Variants in PLD5 observed in about 807,000 individuals in gnomAD.
PLD5 encodes inactive phospholipase D5.
In PLD5, 36 loss-of-function variants were observed where a neutral mutation model predicts 61.1. The ratio of observed to expected loss-of-function variants is 0.59; its 90% confidence interval spans 0.45 to 0.78. The LOEUF is 0.78. Ranked by LOEUF, PLD5 falls within the 30% of genes least tolerant of loss-of-function variation. PLD5 has a pLI of 0.00. For synonymous variants in PLD5, 243 were observed against 242.8 expected (o/e 1.00, Z -0.01); for missense variants, 515 against 644.4 (o/e 0.80, Z 2.17).
chr1:242,290,131 T>C (rs1194068995), intron 2 of PLD5, among the ~76,000 whole-genome samples: 2 of 150,078 alleles, frequency 1.3e-5, no homozygotes, highest in African/African-American at 2.5e-5. Flanking sequence ...TGGAAAAGCC[T>C]ATCTCATATG....
rs1254578495 is a variant in PLD5 at position 242,083,690 on chromosome 1, G to A, written c.*6164C>T. On this transcript the variant is annotated 3_prime_UTR_variant, in exon 10 of 10. Coordinates refer to ENST00000536534, the MANE Select transcript of PLD5 (RefSeq NM_001372062.1). ...ATAACTCACCCCTTTTAAAGAAGCA[G>A]CTAATCTTCACTTTTAACTATTAAG... 2.6e-5 allele frequency: 4 copies of A among 152,178 alleles called. No homozygotes were observed. Among genetic ancestry groups the A allele is most frequent in the African/African-American group, 7.2e-5 (3 of 41,432 alleles). 9.4% of individuals were successfully genotyped at this position (152,178 alleles called of 1,614,324 possible).
intron 8 of PLD5, among the ~76,000 whole-genome samples, chr1:242,103,519 T>G (rs192332621): frequency 6.1e-4 from 93 of 152,340 alleles, no homozygotes; most frequent in Non-Finnish European, 1.2e-3. Context: ...CGTATGCCAC[T>G]GTAATTATCT....
intron 1 of PLD5, among the ~76,000 whole-genome samples, chr1:242,410,402 T>C (rs1443585130): frequency 1.0e-5 from 1 of 97,430 alleles, no homozygotes; most frequent in Non-Finnish European, 2.0e-5. Context: ...TTTCCTGTAA[T>C]ATAATGCCAT....
At chr1:242,248,643 G>T (rs1481877100) in intron 4 of PLD5, among the ~76,000 whole-genome samples, 1 of 151,834 alleles carries the variant, frequency 6.6e-6, no homozygotes, top group Non-Finnish European at 1.5e-5. Flanking sequence ...GGTTAGTTAA[G>T]TCTTCTGGGC....
At chr1:242,099,132 T>C (rs914150288) in intron 9 of PLD5, among the ~76,000 whole-genome samples, 2 of 151,882 alleles carry the variant, frequency 1.3e-5, no homozygotes, top group Non-Finnish European at 2.9e-5. Flanking sequence ...TTTATTTTTA[T>C]TTTTTTTGAG....
intron 1 of PLD5, among the ~76,000 whole-genome samples, chr1:242,440,687 G>A (rs989622826): frequency 2.6e-5 from 4 of 152,220 alleles, no homozygotes; most frequent in Non-Finnish European, 4.4e-5. Flanking sequence ...CTGCTACCTT[G>A]AGAGACTCAT....
At chr1:242,206,956 G>A (rs992208978) in intron 5 of PLD5, among the ~76,000 whole-genome samples, 1 of 152,168 alleles carries the variant, frequency 6.6e-6, no homozygotes, top group African/African-American at 2.4e-5. Flanking sequence ...AAAATCTGCA[G>A]GGCAGAGCAG....
At chr1:242,375,284 TG>T (rs1661882594) in intron 1 of PLD5, among the ~76,000 whole-genome samples, 2 of 152,202 alleles carry the variant, frequency 1.3e-5, no homozygotes, top group Non-Finnish European at 2.9e-5. Context: ...CCGTGCCGTC[TG>T]CCTCATTTTA....
intron 5 of PLD5, among the ~76,000 whole-genome samples, chr1:242,148,054 A>G (rs1664658494): frequency 6.6e-6 from 1 of 152,104 alleles, no homozygotes; most frequent in African/African-American, 2.4e-5. Context: ...TTTCCCTTAT[A>G]GATCATGTTT....
chr1:242,477,157 G>A (rs1042587581), intron 1 of PLD5, among the ~76,000 whole-genome samples: 26 of 152,252 alleles, frequency 1.7e-4, no homozygotes, highest in African/African-American at 5.8e-4. Flanking sequence ...GGCTGAGGCA[G>A]GAGAATTGCT....
chr1:242,329,511 G>A (rs1344348857), intron 2 of PLD5, among the ~76,000 whole-genome samples: 2 of 152,054 alleles, frequency 1.3e-5, no homozygotes, highest in Non-Finnish European at 2.9e-5. Flanking sequence ...TCTCCACTCA[G>A]GTGATCCACG....
At chr1:242,164,517 T>G (rs1326452172) in intron 5 of PLD5, among the ~76,000 whole-genome samples, 2 of 152,044 alleles carry the variant, frequency 1.3e-5, no homozygotes, top group African/African-American at 2.4e-5. Context: ...GGAATTCAGG[T>G]CAAGAGCAAG....
At chr1:242,175,367 G>C (rs1009932533) in intron 5 of PLD5, among the ~76,000 whole-genome samples, 1 of 152,126 alleles carries the variant, frequency 6.6e-6, no homozygotes, top group Non-Finnish European at 1.5e-5. Context: ...TATCTCAATA[G>C]ATGCAGAAAA....
intron 5 of PLD5, among the ~76,000 whole-genome samples, chr1:242,202,033 G>A (rs1669017887): frequency 6.6e-6 from 1 of 152,046 alleles, no homozygotes; most frequent in African/African-American, 2.4e-5. Context: ...TGGCCAACAT[G>A]GTGAAACCCC....
At chr1:242,155,947 G>A (rs559152950) in intron 5 of PLD5, among the ~76,000 whole-genome samples, 1 of 152,188 alleles carries the variant, frequency 6.6e-6, no homozygotes, top group East Asian at 1.9e-4. Context: ...TTTGACAGTT[G>A]GATGTTAAAG....
Position 242,085,694 on chromosome 1 carries a change from A to G in PLD5, c.*4160T>C, listed in dbSNP as rs1659414286. 2 of 152,198 alleles carry G rather than the reference A, an allele frequency of 1.3e-5. No homozygotes were observed. The highest frequency in any genetic ancestry group is 4.1e-4 in the South Asian group (2 of 4,828). The allele number at this position is 152,198 out of a possible 1,614,324, so 9.4% of individuals were successfully genotyped here. On this transcript the variant is annotated 3_prime_UTR_variant, in exon 10 of 10. Coordinates refer to ENST00000536534, the MANE Select transcript of PLD5 (RefSeq NM_001372062.1). ...GTACAGAAAGATAAAAGAATGAAAC[A>G]TTTGTCCACAATATATGGGGCTGTT...
chr1:242,348,074 CT>C lies in PLD5; in HGVS notation c.326+31del, dbSNP rs567884379. ...CCTCTTTGGATTTCTTGCCCGCCCC[CT>C]AAAAGAGAATTTTTGTTTGTTACCT... On this transcript the variant is annotated intron_variant, in intron 2 of 9. Transcript: ENST00000536534. 83 of 1,609,194 alleles carry C rather than the reference CT, an allele frequency of 5.2e-5. No homozygotes were observed. The African/African-American group carries it at 9.5e-4, about 18-fold the overall frequency.
At chr1:242,494,111 C>G (rs1228486735) in intron 1 of PLD5, among the ~76,000 whole-genome samples, 1 of 137,084 alleles carries the variant, frequency 7.3e-6, no homozygotes, top group African/African-American at 2.8e-5. Flanking sequence ...CTCCCCTCTC[C>G]TCCCCTCTCC....
chr1:242,214,029 G>A (rs1669988716), intron 5 of PLD5, among the ~76,000 whole-genome samples: 1 of 152,130 alleles, frequency 6.6e-6, no homozygotes, highest in African/African-American at 2.4e-5. Flanking sequence ...AGTATTGCCA[G>A]CATCTATTGA....
Sources: allele counts gnomAD v4.1 joint callset (sites outside exome capture counted in the v4.1 genomes callset), GRCh38; gene constraint gnomAD v4.1.1; transcripts MANE v1.5; gene names NCBI Gene and HGNC (gene_info 2026-07-23, HGNC 2026-07-21).